Variants in MYO10 observed in about 807,000 individuals in gnomAD.
MYO10 encodes unconventional myosin-X.
Under a neutral mutation model 257.3 loss-of-function variants are expected in MYO10, and 133 were observed. That is an observed-to-expected ratio of 0.52 (90% confidence interval 0.45 to 0.60). MYO10 has a LOEUF of 0.60. Ranked by LOEUF, MYO10 falls within the 20% of genes least tolerant of loss-of-function variation. The pLI, the probability that MYO10 is intolerant of heterozygous loss-of-function variation, is 0.00. For missense variants in MYO10, 2,399 were observed against 2,635.7 expected (o/e 0.91, Z 1.97); for synonymous variants, 1,104 against 1,028.6 (o/e 1.07, Z -1.40).
intron 9 of MYO10, among the ~76,000 whole-genome samples, chr5:16,769,499 T>G (rs886273218): frequency 6.6e-6 from 1 of 152,106 alleles, no homozygotes; most frequent in Non-Finnish European, 1.5e-5. Context: ...CATGCCTAGC[T>G]AATTTTTTGT....
In MYO10 at chr5:16,718,571, G is replaced by C. The variant is rs189370966; in HGVS notation, c.1930-7326C>G. ...AGGACGTGGAGAACCTTTATGTCTA[G>C]CTCAGGGACTGTAAACACACCAATC... On this transcript the variant is annotated intron_variant, in intron 19 of 40. Transcript: ENST00000513610. 2.6e-5 allele frequency among the ~76,000 whole-genome samples: 4 copies of C among 151,830 alleles called. No homozygotes were observed. The East Asian group carries it at 7.8e-4, about 30-fold the overall frequency.
At chr5:16,775,589 T>TTTTG (rs141350168) in intron 9 of MYO10, among the ~76,000 whole-genome samples, 31,047 of 150,874 alleles carry the variant, frequency 0.21, 3,240 homozygotes, top group Middle Eastern at 0.24. Flanking sequence ...GCCTGGCCAA[T>TTTTG]TTTGTTTGTT....
chr5:16,726,319 A>G (rs1294908518), intron 19 of MYO10, among the ~76,000 whole-genome samples: 1 of 152,188 alleles, frequency 6.6e-6, no homozygotes, highest in East Asian at 1.9e-4. Context: ...CAGTACTAAC[A>G]CCACTAGTAG....
intron 2 of MYO10, among the ~76,000 whole-genome samples, chr5:16,870,870 C>T (rs555804337): frequency 2.7e-4 from 41 of 152,222 alleles, no homozygotes; most frequent in Admixed American, 2.7e-3. Context: ...CCAGCCTGGA[C>T]AACAAGAGCA....
chr5:16,682,343 A>G (rs913798828), intron 30 of MYO10, among the ~76,000 whole-genome samples: 1 of 152,194 alleles, frequency 6.6e-6, no homozygotes, highest in South Asian at 2.1e-4. Context: ...ATGCCTCTCC[A>G]AAGTCAATTT....
At chr5:16,716,564 C>T (rs1438791193) in intron 19 of MYO10, among the ~76,000 whole-genome samples, 1 of 151,482 alleles carries the variant, frequency 6.6e-6, no homozygotes, top group Non-Finnish European at 1.5e-5. Context: ...GACATTCAAT[C>T]TGTGCTTATT....
intron 1 of MYO10, among the ~76,000 whole-genome samples, chr5:16,910,758 T>C (rs1005784521): frequency 6.6e-6 from 1 of 152,146 alleles, no homozygotes; most frequent in Non-Finnish European, 1.5e-5. Context: ...GGGTGTGGCT[T>C]CCCCAAGGTC....
intron 1 of MYO10, among the ~76,000 whole-genome samples, chr5:16,923,197 T>C (rs1191050025): frequency 1.3e-5 from 2 of 151,684 alleles, no homozygotes; most frequent in African/African-American, 2.4e-5. Flanking sequence ...TGGGTAGAAA[T>C]AAACAGAAGT....
At chr5:16,877,315 G>A (rs1744630306) in intron 2 of MYO10, among the ~76,000 whole-genome samples, 3 of 152,168 alleles carry the variant, frequency 2.0e-5, no homozygotes, top group Admixed American at 1.3e-4. Flanking sequence ...TCTGATAGCT[G>A]AAAAAGATGA....
intron 1 of MYO10, among the ~76,000 whole-genome samples, chr5:16,886,476 C>G (rs183061834): frequency 1.8e-4 from 27 of 152,310 alleles, no homozygotes; most frequent in Admixed American, 1.8e-3. Context: ...AATTTCTTCT[C>G]AAAGGCGCTG....
chr5:16,675,776 T>C (rs1736696286), intron 34 of MYO10, among the ~76,000 whole-genome samples: 2 of 152,084 alleles, frequency 1.3e-5, no homozygotes, highest in African/African-American at 4.8e-5. Flanking sequence ...TCTCAGTTCA[T>C]GGGGAGAGCT....
At chr5:16,782,475 G>C (rs1741451732) in intron 5 of MYO10, among the ~76,000 whole-genome samples, 1 of 152,210 alleles carries the variant, frequency 6.6e-6, no homozygotes, top group Admixed American at 6.5e-5. Flanking sequence ...TTTGGAGACA[G>C]ATGGCAGCAA....
intron 4 of MYO10, among the ~76,000 whole-genome samples, chr5:16,784,032 G>C (rs1007507535): frequency 6.6e-6 from 1 of 152,210 alleles, no homozygotes; most frequent in Non-Finnish European, 1.5e-5. Context: ...CTTAATGCCA[G>C]CTCGGCCTGA....
intron 11 of MYO10, 117 bp downstream of exon 11, chr5:16,765,963 G>T: frequency 1.4e-6 from 1 of 729,418 alleles, no homozygotes. Context: ...CATTTGAACA[G>T]TTATTAATAT....
intron 1 of MYO10, among the ~76,000 whole-genome samples, chr5:16,925,730 T>C (rs1746113439): frequency 6.6e-6 from 1 of 152,184 alleles, no homozygotes; most frequent in Admixed American, 6.5e-5. Flanking sequence ...CTTTATAACA[T>C]ACACAGCATT....
At position 16,702,943 on chromosome 5, in the gene MYO10, T is replaced by G. The variant is rs1427501157; in HGVS notation, c.2492A>C (p.Lys831Thr). The change falls in exon 23 of 41, where the codon AAA becomes ACA. Residue 831 changes from lysine (K) to threonine (T), a missense_variant. Around this residue, in one of 3 missense-constraint regions of MYO10, gnomAD observed 1,820 missense variants for 1,939.4 expected, o/e 0.94. Coordinates refer to ENST00000513610, the MANE Select transcript of MYO10 (RefSeq NM_012334.3). ...KKKQEEEEKK[K>T]REEEERERER... is the part of the protein sequence containing the mutation. The stretch of plus-strand genomic sequence containing the variant: ...ACTGTACCTTTCTTCTTCCTCCCGT[T>G]TCTTCTTTTCTTCCTCTTCCTGTTT... 6.4e-7 allele frequency: 1 copy of G among 1,551,460 alleles called. No individual in the cohort carries two copies. Among genetic ancestry groups the G allele is most frequent in the South Asian group, 1.2e-5 (1 of 84,044 alleles).
At position 16,795,293 on chromosome 5, in the gene MYO10, T is replaced by C. The variant is rs191119538; in HGVS notation, c.280-460A>G. ...CAATTTAATGGGTGCAGAGTTTCTATTTAGGGTGATGGGGAAGTTCTGGAA... is the reference window on the plus strand; with the variant it reads ...CAATTTAATGGGTGCAGAGTTTCTACTTAGGGTGATGGGGAAGTTCTGGAA... On this transcript the variant is annotated intron_variant, in intron 3 of 40. Transcript: ENST00000513610. 5.1e-4 allele frequency among the ~76,000 whole-genome samples: 77 copies of C among 152,274 alleles called. 1 individual carries two copies. The East Asian group carries it at 0.013, about 26-fold the overall frequency.
At chr5:16,796,492 AAAGAAGGAAAAT>A (rs1426845581) in intron 3 of MYO10, among the ~76,000 whole-genome samples, 3 of 151,760 alleles carry the variant, frequency 2.0e-5, no homozygotes, top group African/African-American at 7.3e-5. Context: ...AGAAAGAAAG[AAAGAAGGAAAAT>A]AAATAAATAA....
chr5:16,807,099 A>G (rs1435601084), intron 3 of MYO10, among the ~76,000 whole-genome samples: 1 of 152,220 alleles, frequency 6.6e-6, no homozygotes, highest in African/African-American at 2.4e-5. Flanking sequence ...AGTGAGATCC[A>G]TTATCCAGAT....
Sources: allele counts gnomAD v4.1 joint callset (sites outside exome capture counted in the v4.1 genomes callset), GRCh38; gene constraint gnomAD v4.1.1; regional missense constraint gnomAD v4.1.1; transcripts MANE v1.5; gene names NCBI Gene and HGNC (gene_info 2026-07-23, HGNC 2026-07-21).